TIE1: variants seen among roughly 807,000 people sequenced by gnomAD.
The protein encoded by TIE1 is tyrosine-protein kinase receptor Tie-1.
A neutral mutation model predicts 130.5 loss-of-function variants in TIE1; 89 were observed. The ratio of observed to expected loss-of-function variants is 0.68; its 90% confidence interval spans 0.57 to 0.81. The LOEUF is 0.81. TIE1 is among the 40% of genes least tolerant of loss of function. The pLI is 0.00. For synonymous variants in TIE1, 568 were observed against 629.4 expected (o/e 0.90, Z 1.46); for missense variants, 1,392 against 1,559.8 (o/e 0.89, Z 1.81).
Position 43,307,525 on chromosome 1 carries a change from A to T in TIE1, c.866A>T (p.Tyr289Phe), listed in dbSNP as rs774160198. Residue 289 changes from tyrosine (Y) to phenylalanine (F), a missense_variant, in exon 6 of 23, where the codon TAT (tyrosine) becomes TTT (phenylalanine). Transcript: ENST00000372476. The surrounding 1 kb of genome is among the most constrained non-coding windows in gnomAD (Gnocchi z 5.4). ...RGLTFCLPDP[Y>F]GCSCGSGWRG... is the part of the protein sequence containing the mutation. ...CTCACCTTCTGCCTCCCAGACCCCT[A>T]TGGCTGCTCTTGTGGATCTGGCTGG... 3.7e-6 allele frequency: 6 copies of T among 1,614,130 alleles called. No individual in the cohort carries two copies. The highest frequency in any genetic ancestry group is 5.1e-6 in the Non-Finnish European group (6 of 1,180,018).
At position 43,312,584 on chromosome 1, in the gene TIE1, T is replaced by G. The variant is rs1408417415; in HGVS notation, c.1910T>G (p.Val637Gly). The change falls in exon 12 of 23, where the codon GTG becomes GGG. Residue 637 changes from valine to glycine, a missense_variant. By Grantham distance (109) the Val-to-Gly change is moderately radical. This residue lies in a region of TIE1 where 551 missense variants were observed against 565.5 expected (regional missense o/e 0.97). Coordinates refer to ENST00000372476, the MANE Select transcript of TIE1 (RefSeq NM_005424.5). The surrounding 1 kb of genome is among the most constrained non-coding windows in gnomAD (Gnocchi z 5.6). ...LLGPASPPAH[V>G]LLPPSGPPAP... ...GGCCCGGCCTCGCCCCCTGCACACG[T>G]GCTTCTGCCCCCCAGTGGTATGTGC... 1.2e-6 allele frequency: 2 copies of G among 1,607,100 alleles called. No homozygotes were observed. The highest frequency in any genetic ancestry group is 1.7e-6 in the Non-Finnish European group (2 of 1,176,572).
rs2153912850 is a variant in TIE1 at position 43,318,559 on chromosome 1, A to C, written c.2922+487A>C. Among the ~76,000 whole-genome samples the C allele has an allele frequency of 6.6e-6, 1 of 151,318 alleles. No homozygotes were observed. The highest frequency in any genetic ancestry group is 2.1e-4 in the South Asian group (1 of 4,782). Reference sequence around the variant, plus strand: ...CACTTTTTTGCCCAGGCTGGAGTGCAGTGGTGCGATTTCAGCTCACTACAA... The same window carrying C: ...CACTTTTTTGCCCAGGCTGGAGTGCCGTGGTGCGATTTCAGCTCACTACAA... On this transcript the variant is annotated intron_variant, in intron 17 of 22. Transcript: ENST00000372476. The surrounding 1 kb of genome is among the most constrained non-coding windows in gnomAD (Gnocchi z 4.4).
rs927737220 is a variant in TIE1, at chr1:43,319,936, C to T, written c.3107+407C>T. 2 of 259,726 alleles carry T rather than the reference C, an allele frequency of 7.7e-6. No individual in the cohort carries two copies. The highest frequency in any genetic ancestry group is 7.6e-6 in the Non-Finnish European group (1 of 131,658). 16.1% of individuals were successfully genotyped at this position (259,726 alleles called of 1,614,324 possible). On this transcript the variant is annotated intron_variant, in intron 19 of 22. Coordinates refer to ENST00000372476, the MANE Select transcript of TIE1 (RefSeq NM_005424.5). The surrounding 1 kb of genome is among the most constrained non-coding windows in gnomAD (Gnocchi z 4.7). The stretch of plus-strand genomic sequence containing the variant: ...TGACCCCCAAGACTCCCTCTCTGTG[C>T]CCCCTCCCCTGCAGACAGCCCTCTT...
chr1:43,321,040 A>AAC (rs895704990), intron 19 of TIE1, among the ~76,000 whole-genome samples: 1 of 149,634 alleles, frequency 6.7e-6, no homozygotes, highest in African/African-American at 2.5e-5. Flanking sequence ...CTCAAAAAAA[A>AAC]AAAAAAAAAA....
chr1:43,313,842 G>A lies in TIE1; in HGVS notation c.2283G>A (p.Leu761=), dbSNP rs1202713635. 2 of 1,614,110 alleles carry A rather than the reference G, an allele frequency of 1.2e-6. No individual in the cohort carries two copies. The highest frequency in any genetic ancestry group is 3.3e-5 in the Admixed American group (2 of 60,022). The part of the protein sequence containing the change: ...RAAEEGLDQQ[L]ILAVVGSVSA... ...CTGAAGAGGGCCTGGATCAGCAGCT[G>A]ATCCTGGCGGTGGTGGGCTCCGTGT... Residue 761 remains leucine (L), a synonymous_variant, in exon 14 of 23, where the codon CTG becomes CTA. Coordinates refer to ENST00000372476, the MANE Select transcript of TIE1 (RefSeq NM_005424.5). This position sits in a 1 kb window ranked among gnomAD's most constrained non-coding sequence, Gnocchi z 6.2.
In TIE1 at chr1:43,315,821, C is replaced by A; in HGVS notation, c.2410-1378C>A. Among the ~76,000 whole-genome samples the A allele has an allele frequency of 6.6e-6, 1 of 152,130 alleles. No individual in the cohort carries two copies. Among genetic ancestry groups the A allele is most frequent in the East Asian group, 1.9e-4 (1 of 5,186 alleles). On this transcript the variant is annotated intron_variant, in intron 14 of 22. Transcript: ENST00000372476. This position sits in a 1 kb window ranked among gnomAD's most constrained non-coding sequence, Gnocchi z 4.4. ...AGGTGGGAAAGCAGTCCTTAACATA[C>A]ATGGTGTCATACTCTATATCAAGAT...
chr1:43,321,731 C>T lies in TIE1; in HGVS notation c.3345+16C>T. On this transcript the variant is annotated intron_variant, in intron 22 of 22. Transcript: ENST00000372476. ...AGCCAGGAAGGTGAGGAGACTGGGG[C>T]TGAGGTGGCGGGCTGGGCTCACAGA... The T allele has an allele frequency of 6.4e-7, 1 of 1,551,064 alleles. No individual in the cohort carries two copies. The highest frequency in any genetic ancestry group is 8.7e-7 in the Non-Finnish European group (1 of 1,146,546).
chr1:43,308,957 G>T (rs987332231), intron 7 of TIE1, 29 bp from the exon 8 acceptor site: 24 of 1,613,988 alleles, frequency 1.5e-5, no homozygotes, highest in Non-Finnish European at 2.0e-5. Context: ...CCCTGTGGGA[G>T]CTCCAGGATG....
Position 43,312,399 on chromosome 1 carries a change from G to A in TIE1, c.1725G>A (p.Leu575=). ...CCTTGCCCTTGGTGCCCGGGCCACT[G>A]GTGGGCGACGGTTTCCTGCTGCGCC... ...SWSLPLVPGP[L]VGDGFLLRLW... is the part of the protein sequence containing the mutation. The change falls in exon 12 of 23, where the codon CTG becomes CTA. Residue 575 remains leucine (L), a synonymous_variant. Transcript: ENST00000372476. This position sits in a 1 kb window ranked among gnomAD's most constrained non-coding sequence, Gnocchi z 5.6. The A allele has an allele frequency of 6.2e-7, 1 of 1,606,792 alleles. No homozygotes were observed. The highest frequency in any genetic ancestry group is 1.1e-5 in the South Asian group (1 of 90,426).
chr1:43,303,668 A>G (rs1646693115), intron 1 of TIE1, among the ~76,000 whole-genome samples: 1 of 151,992 alleles, frequency 6.6e-6, no homozygotes, highest in South Asian at 2.1e-4. Flanking sequence ...CTCCTGCCTC[A>G]GCCTCACATT....
Position 43,306,529 on chromosome 1 carries a change from G to A in TIE1, c.485-311G>A, listed in dbSNP as rs1036779793. ...ACAAGAAAGGGTGACACTGGAGGCA[G>A]AGGAGCCTTGTGAGGCCCCTGGAGG... On this transcript the variant is annotated intron_variant, in intron 3 of 22. Transcript: ENST00000372476. The surrounding 1 kb of genome is among the most constrained non-coding windows in gnomAD (Gnocchi z 4.9). 6.6e-6 allele frequency among the ~76,000 whole-genome samples: 1 copy of A among 152,200 alleles called. No individual in the cohort carries two copies. The highest frequency in any genetic ancestry group is 2.1e-4 in the South Asian group (1 of 4,838).
At position 43,313,656 on chromosome 1, in the gene TIE1, A is replaced by G. The variant is rs1646828179; in HGVS notation, c.2219-122A>G. 1.6e-5 allele frequency: 19 copies of G among 1,188,880 alleles called. No homozygotes were observed. The highest frequency in any genetic ancestry group is 2.2e-5 in the Non-Finnish European group (19 of 864,172). The allele number at this position is 1,188,880 out of a possible 1,614,324, so 73.6% of individuals were successfully genotyped here. On this transcript the variant is annotated intron_variant, in intron 13 of 22. Coordinates refer to ENST00000372476, the MANE Select transcript of TIE1 (RefSeq NM_005424.5). This position sits in a 1 kb window ranked among gnomAD's most constrained non-coding sequence, Gnocchi z 6.2. ...CCTCATCCCTTCCTTCATGTGGCCC[A>G]AGTGATTTCCTGACAGTCCTGGCAC...
Position 43,307,407 on chromosome 1 carries a change from T to C in TIE1, c.773-25T>C. On this transcript the variant is annotated intron_variant, in intron 5 of 22. Coordinates refer to ENST00000372476, the MANE Select transcript of TIE1 (RefSeq NM_005424.5). This position sits in a 1 kb window ranked among gnomAD's most constrained non-coding sequence, Gnocchi z 5.4. ...GGGCCCAGGGGCCCACAGAGGCCCA[T>C]ACACCCCACACACTCTCTTTCTAGC... 6.2e-7 allele frequency: 1 copy of C among 1,613,652 alleles called. No homozygotes were observed. Among genetic ancestry groups the C allele is most frequent in the Non-Finnish European group, 8.5e-7 (1 of 1,179,836 alleles).
chr1:43,309,138 C>A lies in TIE1; in HGVS notation c.1188+7C>A. The A allele has an allele frequency of 6.3e-7, 1 of 1,580,384 alleles. No homozygotes were observed. The highest frequency in any genetic ancestry group is 8.6e-7 in the Non-Finnish European group (1 of 1,159,670). On this transcript the variant is annotated splice_region_variant and intron_variant, in intron 8 of 22. Coordinates refer to ENST00000372476, the MANE Select transcript of TIE1 (RefSeq NM_005424.5). This position sits in a 1 kb window ranked among gnomAD's most constrained non-coding sequence, Gnocchi z 6.3. ...AGACGGCACTGTGCTCCTGGTCAGC[C>A]CCCAATCACCCCAACCCACCAGCCC...
Position 43,317,229 on chromosome 1 carries a change from G to A in TIE1, c.2440G>A (p.Gly814Arg), listed in dbSNP as rs149581858. The A allele has an allele frequency of 8.2e-4, 1,330 of 1,614,134 alleles. 2 individuals are homozygous for A. The highest frequency in any genetic ancestry group is 9.7e-4 in the Non-Finnish European group (1,140 of 1,180,034). ...GEETILQFSS[G>R]TLTLTRRPKL... Reference sequence around the variant, plus strand: ...GGAGACCATCCTGCAGTTCAGCTCAGGGACCTTGACACTTACCCGGCGGCC... The same window carrying A: ...GGAGACCATCCTGCAGTTCAGCTCAAGGACCTTGACACTTACCCGGCGGCC... The change falls in exon 15 of 23, where the codon GGG becomes AGG. Residue 814 changes from glycine to arginine, a missense_variant. Coordinates refer to ENST00000372476, the MANE Select transcript of TIE1 (RefSeq NM_005424.5). The surrounding 1 kb of genome is among the most constrained non-coding windows in gnomAD (Gnocchi z 5.1).
intron 1 of TIE1, among the ~76,000 whole-genome samples, 156 bp downstream of exon 1, chr1:43,301,285 C>T (rs375810814): frequency 1.3e-5 from 2 of 152,060 alleles, no homozygotes; most frequent in East Asian, 1.9e-4. Flanking sequence ...AAAGGTACAG[C>T]GTTTTTACAA....
chr1:43,311,868 G>T, intron 10 of TIE1, 39 bp downstream of exon 10: 1 of 1,599,090 alleles, frequency 6.3e-7, no homozygotes, highest in Non-Finnish European at 8.5e-7. Flanking sequence ...AGAGGTGTTG[G>T]GTAATAGTGA....
At position 43,309,206 on chromosome 1, in the gene TIE1, T is replaced by A. The variant is rs1396473480; in HGVS notation, c.1188+75T>A. ...ACAGCTGATCCCTAAGACCCCCTAGTCCCTCAGAACTTTCTGCAGGGCCCA... is the reference window on the plus strand; with the variant it reads ...ACAGCTGATCCCTAAGACCCCCTAGACCCTCAGAACTTTCTGCAGGGCCCA... On this transcript the variant is annotated intron_variant, in intron 8 of 22. Transcript: ENST00000372476. This position sits in a 1 kb window ranked among gnomAD's most constrained non-coding sequence, Gnocchi z 6.3. The A allele has an allele frequency of 6.5e-7, 1 of 1,529,176 alleles. No homozygotes were observed. Among genetic ancestry groups the A allele is most frequent in the Non-Finnish European group, 8.8e-7 (1 of 1,137,096 alleles). The allele number at this position is 1,529,176 out of a possible 1,614,324, so 94.7% of individuals were successfully genotyped here.
At position 43,317,639 on chromosome 1, in the gene TIE1, A is replaced by G. The variant is rs1646872007; in HGVS notation, c.2696A>G (p.Asn899Ser). Residue 899 changes from asparagine to serine, a missense_variant, in exon 16 of 23, where the codon AAC becomes AGC. Transcript: ENST00000372476. This position sits in a 1 kb window ranked among gnomAD's most constrained non-coding sequence, Gnocchi z 5.1. Reference protein sequence around the residue: ...EVLCKLGHHPNIINLLGACKN... With the variant: ...EVLCKLGHHPSIINLLGACKN... ...CTGTGCAAATTGGGGCATCACCCCA[A>G]CATCATCAACCTCCTGGGGGCCTGT... is the stretch of plus-strand genomic sequence containing the variant. The G allele has an allele frequency of 1.2e-6, 2 of 1,604,074 alleles. No individual in the cohort carries two copies. Among genetic ancestry groups the G allele is most frequent in the Non-Finnish European group, 1.7e-6 (2 of 1,174,222 alleles).
Sources: allele counts gnomAD v4.1 joint callset (sites outside exome capture counted in the v4.1 genomes callset), GRCh38; gene constraint gnomAD v4.1.1; regional missense constraint gnomAD v4.1.1; non-coding constraint Gnocchi (gnomAD v3.1); transcripts MANE v1.5; gene names NCBI Gene and HGNC (gene_info 2026-07-23, HGNC 2026-07-21).